The following PCCB variants were observed in gnomAD, a reference collection of about 807,000 sequenced individuals.
PCCB encodes the protein propionyl-CoA carboxylase subunit beta, also known as propionyl-CoA carboxylase beta chain, mitochondrial.
In PCCB, 43 loss-of-function variants were observed where a neutral mutation model predicts 60.7. The ratio of observed to expected loss-of-function variants is 0.71; its 90% CI spans 0.55 to 0.91. PCCB has a LOEUF of 0.91. Among genes scored for constraint, PCCB ranks in the 40% least tolerant of loss-of-function variants. PCCB has a pLI of 0.00. For synonymous variants in PCCB, 276 were observed against 255.9 expected (o/e 1.08, Z -0.75); for missense variants, 766 against 702.8 (o/e 1.09, Z -1.02).
intron 8 of PCCB, among the ~76,000 whole-genome samples, chr3:136,300,741 G>A (rs555735768): frequency 6.6e-6 from 1 of 152,200 alleles, no homozygotes; most frequent in Non-Finnish European, 1.5e-5. Flanking sequence ...TACCTAGAAT[G>A]TAGGAGGTAT....
At position 136,250,476 on chromosome 3, in the gene PCCB, C is replaced by G; in HGVS notation, c.101C>G (p.Ser34Cys). The stretch of plus-strand genomic sequence containing the variant: ...CGCAGCCTTTGCAGCCAGGCCACCT[C>G]TGTTAACGAACGCATCGAAAACAAG... ...AVRSLCSQAT[S>C]VNERIENKRR... Residue 34 changes from serine (S) to cysteine (C), a missense_variant, in exon 1 of 15, where the codon TCT becomes TGT. By Grantham distance (112) the Ser-to-Cys change is moderately radical. Coordinates refer to ENST00000251654, the MANE Select transcript of PCCB (RefSeq NM_000532.5). 1.2e-6 allele frequency: 2 copies of G among 1,612,198 alleles called. No homozygotes were observed. The highest frequency in any genetic ancestry group is 1.7e-6 in the Non-Finnish European group (2 of 1,179,366).
At position 136,250,534 on chromosome 3, in the gene PCCB, C is replaced by G. The variant is rs776900764; in HGVS notation, c.159C>G (p.Arg53=). Reference sequence around the variant, plus strand: ...CCGCGCTGCTGGGAGGGGGCCAACGCCGTATTGACGCGCAGCACAAGCGAG... The same window carrying G: ...CCGCGCTGCTGGGAGGGGGCCAACGGCGTATTGACGCGCAGCACAAGCGAG... The part of the protein sequence containing the change: ...RRTALLGGGQ[R]RIDAQHKRGK... The change falls in exon 1 of 15, where the codon CGC becomes CGG. Residue 53 remains arginine (R), a synonymous_variant. Transcript: ENST00000251654. The G allele has an allele frequency of 6.2e-7, 1 of 1,612,740 alleles. No individual in the cohort carries two copies. The highest frequency in any genetic ancestry group is 1.1e-5 in the South Asian group (1 of 91,006).
intron 8 of PCCB, among the ~76,000 whole-genome samples, chr3:136,300,574 A>C (rs1379585023): frequency 6.6e-6 from 1 of 152,200 alleles, no homozygotes; most frequent in Non-Finnish European, 1.5e-5. Flanking sequence ...GAGCTTTAGC[A>C]GATTAACCTA....
chr3:136,272,972 C>G lies in PCCB; in HGVS notation c.544-10865C>G, dbSNP rs901467480. On this transcript the variant is annotated intron_variant, in intron 5 of 14. Transcript: ENST00000251654. ...TGTACTTAAAACTATGAACTTTCCT[C>G]TTAGCACTACTTTTGCTGTATCCCC... 3.9e-5 allele frequency among the ~76,000 whole-genome samples: 6 copies of G among 152,298 alleles called. No individual in the cohort carries two copies. The East Asian group carries it at 1.2e-3, about 29-fold the overall frequency.
intron 10 of PCCB, chr3:136,326,272 T>G: frequency 1.4e-6 from 1 of 698,560 alleles, no homozygotes; most frequent in East Asian, 2.7e-5. Context: ...TGGAAACTCT[T>G]CTAGGAGGGG....
At chr3:136,299,960 A>G (rs1289666337) in intron 8 of PCCB, among the ~76,000 whole-genome samples, 1 of 151,946 alleles carries the variant, frequency 6.6e-6, no homozygotes, top group Non-Finnish European at 1.5e-5. Context: ...ACATATATAC[A>G]TGTATGCATG....
chr3:136,284,460 A>G (rs1020802219), intron 6 of PCCB, among the ~76,000 whole-genome samples: 10 of 152,336 alleles, frequency 6.6e-5, no homozygotes, highest in African/African-American at 2.4e-4. Flanking sequence ...ATATTTTTAA[A>G]TGAAGTCTAT....
intron 10 of PCCB, among the ~76,000 whole-genome samples, chr3:136,321,896 G>C (rs1206262710): frequency 6.6e-6 from 1 of 152,152 alleles, no homozygotes; most frequent in Non-Finnish European, 1.5e-5. Flanking sequence ...ACTTCTTTCA[G>C]ATTTTCTGTA....
At position 136,326,920 on chromosome 3, in the gene PCCB, T is replaced by G; in HGVS notation, c.1198+10T>G. The stretch of plus-strand genomic sequence containing the variant: ...CCTGGCTTTCTACCTGGTAAGTTTT[T>G]GACAGAGTGGGGGCTAGGAGAGTTG... On this transcript the variant is annotated intron_variant, in intron 11 of 14. Coordinates refer to ENST00000251654, the MANE Select transcript of PCCB (RefSeq NM_000532.5). 2 of 1,548,608 alleles carry G rather than the reference T, an allele frequency of 1.3e-6. No individual in the cohort carries two copies. The highest frequency in any genetic ancestry group is 1.8e-6 in the Non-Finnish European group (2 of 1,120,120).
chr3:136,251,439 A>T (rs2108129656), intron 1 of PCCB: 4 of 408,788 alleles, frequency 9.8e-6, no homozygotes, highest in South Asian at 7.0e-5. Context: ...ACTCACAACC[A>T]TGAGGGAGGC....
intron 5 of PCCB, among the ~76,000 whole-genome samples, chr3:136,274,125 G>A (rs183808363): frequency 4.2e-4 from 63 of 151,486 alleles, no homozygotes; most frequent in East Asian, 3.1e-3. Flanking sequence ...GGCCATTTAC[G>A]TTCAACATTA....
At chr3:136,285,268 C>A (rs1486896798) in intron 6 of PCCB, among the ~76,000 whole-genome samples, 1 of 152,146 alleles carries the variant, frequency 6.6e-6, no homozygotes, top group Admixed American at 6.5e-5. Context: ...TGGCTAGAGC[C>A]ATCCTTTCCT....
At chr3:136,309,460 G>A (rs2108217343) in intron 9 of PCCB, among the ~76,000 whole-genome samples, 1 of 152,202 alleles carries the variant, frequency 6.6e-6, no homozygotes, top group South Asian at 2.1e-4. Context: ...AAAAGCAGAA[G>A]TATGAAGTGA....
chr3:136,275,094 G>A (rs1942305549), intron 5 of PCCB, among the ~76,000 whole-genome samples: 1 of 152,130 alleles, frequency 6.6e-6, no homozygotes, highest in South Asian at 2.1e-4. Context: ...TTATAGGCAT[G>A]AGACACTGAC....
chr3:136,312,067 G>A (rs1278523087), intron 9 of PCCB, among the ~76,000 whole-genome samples: 1 of 152,216 alleles, frequency 6.6e-6, no homozygotes, highest in Non-Finnish European at 1.5e-5. Flanking sequence ...AGTTAAAACT[G>A]TGGTACAGGC....
intron 6 of PCCB, among the ~76,000 whole-genome samples, chr3:136,286,558 C>T (rs754719271): frequency 1.3e-5 from 2 of 152,156 alleles, no homozygotes; most frequent in Non-Finnish European, 2.9e-5. Context: ...TGCCTTGACT[C>T]GTCTTTTGCT....
At chr3:136,269,240 CAG>C (rs1026651669) in intron 5 of PCCB, among the ~76,000 whole-genome samples, 20 of 152,252 alleles carry the variant, frequency 1.3e-4, no homozygotes, top group African/African-American at 4.8e-4. Flanking sequence ...GCCTGGGTGA[CAG>C]AGCAAGACTC....
At chr3:136,308,021 A>G (rs553465699) in intron 9 of PCCB, among the ~76,000 whole-genome samples, 3 of 152,188 alleles carry the variant, frequency 2.0e-5, no homozygotes, top group African/African-American at 7.2e-5. Flanking sequence ...AAAAAGTGTC[A>G]TACCAATAAA....
chr3:136,264,440 G>GTGTATACATATATATA, intron 5 of PCCB, among the ~76,000 whole-genome samples: 3 of 123,782 alleles, frequency 2.4e-5, no homozygotes, highest in African/African-American at 9.1e-5. Context: ...ATGTGTGTGT[G>GTGTATACATATATATA]TATATATGTA....
Sources: allele counts gnomAD v4.1 joint callset (sites outside exome capture counted in the v4.1 genomes callset), GRCh38; gene constraint gnomAD v4.1.1; transcripts MANE v1.5; gene names NCBI Gene and HGNC (gene_info 2026-07-23, HGNC 2026-07-21).